The following NXPH1 variants were observed in gnomAD, a reference collection of about 807,000 sequenced individuals.
NXPH1 encodes the protein neurexophilin-1.
NXPH1 carries 5 observed loss-of-function variants against 23.7 expected under a neutral mutation model. The ratio of observed to expected loss-of-function variants is 0.21; its 90% CI spans 0.11 to 0.44. The LOEUF (loss-of-function observed/expected upper bound fraction) is 0.44, where lower values mean the gene tolerates loss of function less well. Ranked by LOEUF, NXPH1 falls within the 20% of genes least tolerant of loss-of-function variation. NXPH1 has a pLI of 0.99. For missense variants in NXPH1, 324 were observed against 321.6 expected, an observed-to-expected ratio of 1.01 and a Z score of -0.06; for synonymous variants, 144 against 122.2, an observed-to-expected ratio of 1.18 and a Z score of -1.18.
intron 2 of NXPH1, among the ~76,000 whole-genome samples, chr7:8,583,901 A>G (rs1398353579): frequency 1.3e-5 from 2 of 152,190 alleles, no homozygotes; most frequent in African/African-American, 4.8e-5. Flanking sequence ...TGGAAGATGT[A>G]AAGTGGTGGT....
intron 2 of NXPH1, among the ~76,000 whole-genome samples, chr7:8,489,075 T>C (rs1046769778): frequency 6.6e-6 from 1 of 152,076 alleles, no homozygotes; most frequent in Admixed American, 6.6e-5. Flanking sequence ...CTCTGATAGA[T>C]GGGATGTGAT....
chr7:8,545,321 A>C (rs1196302311), intron 2 of NXPH1, among the ~76,000 whole-genome samples: 1 of 151,502 alleles, frequency 6.6e-6, no homozygotes, highest in Non-Finnish European at 1.5e-5. Context: ...GATCTTGTAC[A>C]TGCCTGTGCT....
intron 2 of NXPH1, among the ~76,000 whole-genome samples, chr7:8,467,735 A>G (rs79929906): frequency 0.026 from 3,972 of 152,254 alleles, 82 homozygotes; most frequent in South Asian, 0.048. Context: ...TAGTTAATAC[A>G]GTGGTCAGTA....
chr7:8,689,633 G>A (rs1000108821), intron 2 of NXPH1, among the ~76,000 whole-genome samples: 5 of 152,128 alleles, frequency 3.3e-5, no homozygotes, highest in Non-Finnish European at 4.4e-5. Context: ...ATGAGAACAG[G>A]GAGTAAATAC....
chr7:8,560,827 T>G (rs1296787000), intron 2 of NXPH1, among the ~76,000 whole-genome samples: 1 of 151,688 alleles, frequency 6.6e-6, no homozygotes, highest in Non-Finnish European at 1.5e-5. Context: ...AACCTCAATT[T>G]GCTAAGGTTT....
At position 8,523,175 on chromosome 7, in the gene NXPH1, C is replaced by T. The variant is rs192314508; in HGVS notation, c.54+87408C>T. ...CAGTTTAGTCCAGTACTTCCTTTGA[C>T]TGCACTGGACCTGACTGAGGTCCAT... On this transcript the variant is annotated intron_variant, in intron 2 of 2. Transcript: ENST00000405863. 6.6e-5 allele frequency among the ~76,000 whole-genome samples: 10 copies of T among 152,316 alleles called. No homozygotes were observed. In the East Asian group the frequency reaches 1.7e-3, roughly 26 times the overall value.
At chr7:8,610,631 A>T (rs1028480930) in intron 2 of NXPH1, among the ~76,000 whole-genome samples, 2 of 152,092 alleles carry the variant, frequency 1.3e-5, no homozygotes, top group African/African-American at 4.8e-5. Flanking sequence ...TCCCCAGATG[A>T]TAACAGGGCT....
chr7:8,711,694 G>A (rs143579280), intron 2 of NXPH1, among the ~76,000 whole-genome samples: 10 of 152,262 alleles, frequency 6.6e-5, no homozygotes, highest in African/African-American at 2.4e-4. Flanking sequence ...GCATACATAT[G>A]TATGTGAGGG....
At chr7:8,750,382 C>G (rs544311754) in intron 2 of NXPH1, among the ~76,000 whole-genome samples, 1 of 152,240 alleles carries the variant, frequency 6.6e-6, no homozygotes, top group East Asian at 1.9e-4. Context: ...GTTTGTTACA[C>G]AAGCATACAT....
chr7:8,435,540 G>T lies in NXPH1; in HGVS notation c.-110-64G>T. 6.3e-6 allele frequency: 3 copies of T among 479,542 alleles called. No homozygotes were observed. The highest frequency in any genetic ancestry group is 3.3e-5 in the Admixed American group (1 of 30,576). 29.7% of individuals were successfully genotyped at this position (479,542 alleles called of 1,614,324 possible). ...CTCCCCGCTACGACCCCCTTTCCCC[G>T]CTTGATTGTCAAGCCTAACCTTGCC... On this transcript the variant is annotated intron_variant, in intron 1 of 2. Transcript: ENST00000405863. This position sits in a 1 kb window ranked among gnomAD's most constrained non-coding sequence, Gnocchi z 5.9.
At chr7:8,657,192 T>C (rs1248819042) in intron 2 of NXPH1, among the ~76,000 whole-genome samples, 1 of 152,198 alleles carries the variant, frequency 6.6e-6, no homozygotes, top group African/African-American at 2.4e-5. Flanking sequence ...AACATTTAAT[T>C]TGAAATTCTG....
chr7:8,445,832 C>A (rs1006274223), intron 2 of NXPH1, among the ~76,000 whole-genome samples: 1 of 152,192 alleles, frequency 6.6e-6, no homozygotes, highest in African/African-American at 2.4e-5. Flanking sequence ...GAATCTGATA[C>A]CTGACATTGC....
intron 2 of NXPH1, among the ~76,000 whole-genome samples, chr7:8,462,796 T>A (rs1816717336): frequency 1.3e-5 from 2 of 152,256 alleles, no homozygotes; most frequent in African/African-American, 4.8e-5. Flanking sequence ...ATTTCATTTA[T>A]CCTTTTACTC....
intron 2 of NXPH1, among the ~76,000 whole-genome samples, chr7:8,553,431 G>A (rs2128619910): frequency 6.6e-6 from 1 of 151,118 alleles, no homozygotes; most frequent in East Asian, 2.0e-4. Flanking sequence ...AAATTGGCTG[G>A]TACATAATCA....
At chr7:8,446,497 G>A (rs1215462362) in intron 2 of NXPH1, among the ~76,000 whole-genome samples, 1 of 152,142 alleles carries the variant, frequency 6.6e-6, no homozygotes, top group Non-Finnish European at 1.5e-5. Context: ...GTTATGTATT[G>A]TTGATATTCT....
intron 2 of NXPH1, among the ~76,000 whole-genome samples, chr7:8,655,209 A>T (rs1820554445): frequency 6.6e-6 from 1 of 152,052 alleles, no homozygotes. Context: ...AAATTACAAA[A>T]CCTTTTCTCT....
At chr7:8,482,064 G>T (rs1817082447) in intron 2 of NXPH1, among the ~76,000 whole-genome samples, 1 of 152,214 alleles carries the variant, frequency 6.6e-6, no homozygotes, top group Non-Finnish European at 1.5e-5. Flanking sequence ...GTCAATGTAG[G>T]CAAGTCCGTA....
intron 2 of NXPH1, among the ~76,000 whole-genome samples, chr7:8,582,942 C>A (rs1243329660): frequency 1.3e-5 from 2 of 152,212 alleles, no homozygotes; most frequent in Non-Finnish European, 2.9e-5. Context: ...CAGGCCCACG[C>A]CAAGCCACCC....
chr7:8,654,848 G>A (rs1368652131), intron 2 of NXPH1, among the ~76,000 whole-genome samples: 1 of 152,180 alleles, frequency 6.6e-6, no homozygotes, highest in East Asian at 1.9e-4. Context: ...GAAGGGGTTT[G>A]GGGCAGTGTC....
Sources: allele counts gnomAD v4.1 joint callset (sites outside exome capture counted in the v4.1 genomes callset), GRCh38; gene constraint gnomAD v4.1.1; non-coding constraint Gnocchi (gnomAD v3.1); transcripts MANE v1.5; gene names NCBI Gene and HGNC (gene_info 2026-07-23, HGNC 2026-07-21).